Variants in LRP1B observed in about 807,000 individuals in gnomAD.
The protein encoded by LRP1B is LDL receptor related protein 1B, also known as low-density lipoprotein receptor-related protein 1B.
In LRP1B, 217 loss-of-function variants were observed where a neutral mutation model predicts 556.6. The ratio of observed to expected loss-of-function variants is 0.39; its 90% CI spans 0.35 to 0.44. LRP1B has a LOEUF of 0.44. Among genes scored for constraint, LRP1B ranks in the 20% least tolerant of loss-of-function variants. The pLI, the probability that LRP1B is intolerant of heterozygous loss-of-function variation, is 1.00. For missense variants in LRP1B, 5,053 were observed against 5,620.8 expected (o/e 0.90, Z 3.23); for synonymous variants, 2,047 against 1,865.8 (o/e 1.10, Z -2.50).
intron 87 of LRP1B, among the ~76,000 whole-genome samples, chr2:140,242,244 G>C (rs1164965742): frequency 6.6e-6 from 1 of 151,072 alleles, no homozygotes; most frequent in African/African-American, 2.4e-5. Flanking sequence ...CAGTATTATA[G>C]ATAGGATTAT....
intron 3 of LRP1B, among the ~76,000 whole-genome samples, chr2:141,441,209 T>C (rs1448450310): frequency 6.6e-6 from 1 of 152,168 alleles, no homozygotes; most frequent in Non-Finnish European, 1.5e-5. Flanking sequence ...CCCAAGTAGC[T>C]GGGATTACAG....
intron 1 of LRP1B, among the ~76,000 whole-genome samples, chr2:141,914,498 G>A (rs980286077): frequency 1.3e-5 from 2 of 152,088 alleles, no homozygotes; most frequent in Admixed American, 1.3e-4. Context: ...GGAAGTCCTC[G>A]TCAGATAAAT....
intron 2 of LRP1B, among the ~76,000 whole-genome samples, chr2:141,766,161 G>T (rs767114645): frequency 5.9e-5 from 9 of 152,126 alleles, no homozygotes; most frequent in Non-Finnish European, 8.8e-5. Context: ...GAAATAATAA[G>T]AAAATATTAG....
chr2:141,533,215 C>A (rs1684951248), intron 2 of LRP1B, among the ~76,000 whole-genome samples: 1 of 152,004 alleles, frequency 6.6e-6, no homozygotes, highest in African/African-American at 2.4e-5. Context: ...AAACAAAATC[C>A]AAAATAATAA....
chr2:141,092,972 G>T (rs78728929), intron 7 of LRP1B, among the ~76,000 whole-genome samples: 1,620 of 152,058 alleles, frequency 0.011, 17 homozygotes, highest in East Asian at 0.035. Flanking sequence ...TCTGTGTAAT[G>T]AATATTTCTG....
chr2:140,668,254 G>A (rs1685351089), intron 41 of LRP1B, among the ~76,000 whole-genome samples: 1 of 132,136 alleles, frequency 7.6e-6, no homozygotes. Flanking sequence ...TGCTTACAGT[G>A]AGCTGAGATT....
At chr2:140,935,694 G>A (rs1594155) in intron 20 of LRP1B, among the ~76,000 whole-genome samples, 146,561 of 151,922 alleles carry the variant, frequency 0.96, 70,919 homozygotes, top group Non-Finnish European at 1. Flanking sequence ...ATTCAAAGAA[G>A]TCTACACCAA....
chr2:141,227,160 G>T (rs761440872), intron 6 of LRP1B, among the ~76,000 whole-genome samples: 1 of 151,994 alleles, frequency 6.6e-6, no homozygotes, highest in Non-Finnish European at 1.5e-5. Context: ...ACCTTCCTTA[G>T]ATTTATTTTA....
At chr2:141,053,680 C>T (rs1238752715) in intron 10 of LRP1B, among the ~76,000 whole-genome samples, 1 of 151,938 alleles carries the variant, frequency 6.6e-6, no homozygotes. Context: ...TCTCTTGTTG[C>T]TTCAAATAGC....
At chr2:140,985,130 T>C (rs1004224170) in intron 17 of LRP1B, among the ~76,000 whole-genome samples, 1 of 151,888 alleles carries the variant, frequency 6.6e-6, no homozygotes, top group African/African-American at 2.4e-5. Context: ...GAATCAGAGA[T>C]TTGCTGTAAT....
chr2:140,284,929 G>C (rs113338297), intron 84 of LRP1B, among the ~76,000 whole-genome samples: 1 of 106,250 alleles, frequency 9.4e-6, no homozygotes. Context: ...GATATACCTA[G>C]ATATCTATAT....
intron 35 of LRP1B, 135 bp from the exon 36 acceptor site, chr2:140,716,951 G>A: frequency 4.8e-6 from 2 of 417,184 alleles, no homozygotes; most frequent in Admixed American, 4.3e-5. Context: ...TATTCTTCAG[G>A]ATAATTTACT....
intron 1 of LRP1B, among the ~76,000 whole-genome samples, chr2:141,866,726 G>A (rs910592848): frequency 2.6e-5 from 4 of 151,578 alleles, no homozygotes; most frequent in African/African-American, 9.7e-5. Context: ...TGGAAGAGAG[G>A]GAAAGAAAAG....
intron 52 of LRP1B, 42 bp downstream of exon 52, chr2:140,509,886 C>T (rs1689579451): frequency 6.3e-7 from 1 of 1,588,496 alleles, no homozygotes; most frequent in Admixed American, 1.8e-5. Flanking sequence ...AAGGATGCTG[C>T]AACAGTTTTC....
intron 6 of LRP1B, among the ~76,000 whole-genome samples, chr2:141,217,358 T>C (rs1337540000): frequency 6.6e-6 from 1 of 152,208 alleles, no homozygotes; most frequent in Non-Finnish European, 1.5e-5. Context: ...GGTGTGATGG[T>C]AATGAAGTAA....
intron 2 of LRP1B, among the ~76,000 whole-genome samples, chr2:141,705,176 T>C (rs1347331599): frequency 6.6e-6 from 1 of 152,020 alleles, no homozygotes; most frequent in Non-Finnish European, 1.5e-5. Context: ...AGTTTGACTC[T>C]GGAACCACTG....
At chr2:142,085,832 A>T (rs917988287) in intron 1 of LRP1B, among the ~76,000 whole-genome samples, 2 of 152,210 alleles carry the variant, frequency 1.3e-5, no homozygotes, top group Non-Finnish European at 2.9e-5. Context: ...CATATATGAA[A>T]GGTGAATTGT....
At chr2:140,663,839 T>C (rs1185224287) in intron 41 of LRP1B, among the ~76,000 whole-genome samples, 1 of 152,240 alleles carries the variant, frequency 6.6e-6, no homozygotes, top group Non-Finnish European at 1.5e-5. Flanking sequence ...CTTTCCTCAC[T>C]AAGTTTAATC....
intron 1 of LRP1B, among the ~76,000 whole-genome samples, chr2:142,030,077 T>C (rs990741221): frequency 6.6e-6 from 1 of 151,810 alleles, no homozygotes; most frequent in African/African-American, 2.4e-5. Context: ...ATATTTGTGG[T>C]TAATATTTGC....
Sources: gnomAD v4.1 joint callset for allele counts (sites outside exome capture counted in the v4.1 genomes callset) on GRCh38, gnomAD v4.1.1 for gene constraint, MANE v1.5 for transcripts, NCBI Gene and HGNC (gene_info 2026-07-23, HGNC 2026-07-21) for gene names.